UBR7: variants seen among roughly 807,000 people sequenced by gnomAD.
UBR7 encodes the protein ubiquitin protein ligase E3 component n-recognin 7.
In UBR7, 22 loss-of-function variants were observed where a neutral mutation model predicts 57.0. The observed-to-expected ratio is 0.39, with a 90% CI of 0.28 to 0.55. The LOEUF (loss-of-function observed/expected upper bound fraction) is 0.55, where lower values mean the gene tolerates loss of function less well. Among genes scored for constraint, UBR7 ranks in the 20% least tolerant of loss-of-function variants. The pLI, the probability that UBR7 is intolerant of heterozygous loss-of-function variation, is 0.69. For synonymous variants in UBR7, 167 were observed against 179.8 expected, an observed-to-expected ratio of 0.93 and a Z score of 0.57; for missense variants, 395 against 513.2, an observed-to-expected ratio of 0.77 and a Z score of 2.23.
At chr14:93,210,788 C>A in intron 3 of UBR7, 80 bp downstream of exon 3, 1 of 1,189,384 alleles carries the variant, frequency 8.4e-7, no homozygotes, top group Non-Finnish European at 1.2e-6. Context: ...AAACAAATAC[C>A]TGTATTTTCC....
At chr14:93,208,019 C>A (rs1894402947) in intron 1 of UBR7, among the ~76,000 whole-genome samples, 1 of 152,140 alleles carries the variant, frequency 6.6e-6, no homozygotes, top group Admixed American at 6.5e-5. Context: ...CTGCCCCCCT[C>A]CCCTGGAAAT....
intron 4 of UBR7, 48 bp downstream of exon 4, chr14:93,212,175 G>A (rs1441369346): frequency 3.5e-6 from 5 of 1,413,956 alleles, no homozygotes; most frequent in Non-Finnish European, 4.9e-6. Flanking sequence ...CTCTAGCCTT[G>A]ATTCCTCAAC....
chr14:93,207,571 C>T (rs1595263136), intron 1 of UBR7, 130 bp downstream of exon 1: 1 of 1,270,022 alleles, frequency 7.9e-7, no homozygotes, highest in East Asian at 2.6e-5. Context: ...GTTAGTCTGC[C>T]GCTTCCTCAC....
chr14:93,219,833 G>T (rs1290277640), intron 8 of UBR7, among the ~76,000 whole-genome samples: 3 of 152,134 alleles, frequency 2.0e-5, no homozygotes, highest in African/African-American at 7.2e-5. Flanking sequence ...AAATTAGCTG[G>T]GTGTGGTGGC....
At chr14:93,222,616 G>A (rs59135548) in intron 10 of UBR7, among the ~76,000 whole-genome samples, 26 of 152,110 alleles carry the variant, frequency 1.7e-4, no homozygotes, top group African/African-American at 6.0e-4. Flanking sequence ...GGTGATGGGC[G>A]CCTGTAGTCC....
intron 3 of UBR7, among the ~76,000 whole-genome samples, chr14:93,211,688 A>G (rs1894488095): frequency 6.6e-6 from 1 of 152,172 alleles, no homozygotes; most frequent in Admixed American, 6.6e-5. Flanking sequence ...CCCCATCTCT[A>G]TCAAAAAGAA....
intron 10 of UBR7, 61 bp from the exon 11 acceptor site, chr14:93,226,882 G>T: frequency 2.7e-6 from 3 of 1,123,940 alleles, no homozygotes; most frequent in South Asian, 1.2e-5. Flanking sequence ...TGAATGCTAT[G>T]ACCTCGGATT....
At chr14:93,223,805 C>T (rs1314390353) in intron 10 of UBR7, 5 of 743,722 alleles carry the variant, frequency 6.7e-6, no homozygotes, top group South Asian at 2.8e-5. Flanking sequence ...ATAGACCTCT[C>T]GGTAGCACTG....
chr14:93,218,798 A>ACCTG, intron 7 of UBR7, 63 bp downstream of exon 7: 1 of 1,545,356 alleles, frequency 6.5e-7, no homozygotes, highest in South Asian at 1.2e-5. Context: ...GCTCATGCCC[A>ACCTG]TAATCCCAGC....
Position 93,228,368 on chromosome 14 carries a change from G to A in UBR7, c.*1333G>A, listed in dbSNP as rs1392844711. ...GGACCAAGGTCTTTCCTGACAGTCG[G>A]AGACACACCTTGATGTATGTTAATA... On this transcript the variant is annotated 3_prime_UTR_variant, in exon 11 of 11. Transcript: ENST00000013070. 2.2e-6 allele frequency: 1 copy of A among 454,620 alleles called. No individual in the cohort carries two copies. The highest frequency in any genetic ancestry group is 1.6e-5 in the South Asian group (1 of 64,468). The allele number at this position is 454,620 out of a possible 1,614,324, so 28.2% of individuals were successfully genotyped here.
At chr14:93,213,228 T>C (rs1894521528) in intron 4 of UBR7, among the ~76,000 whole-genome samples, 1 of 152,190 alleles carries the variant, frequency 6.6e-6, no homozygotes, top group African/African-American at 2.4e-5. Flanking sequence ...ATAGTGTTTT[T>C]TCCCCAACAC....
chr14:93,226,557 G>A (rs916748186), intron 10 of UBR7, among the ~76,000 whole-genome samples: 2 of 152,254 alleles, frequency 1.3e-5, no homozygotes, highest in Admixed American at 6.5e-5. Context: ...TTGGGAGGCC[G>A]AGGCAGGCGG....
intron 6 of UBR7, among the ~76,000 whole-genome samples, chr14:93,217,737 A>C (rs556374074): frequency 3.9e-5 from 6 of 152,224 alleles, no homozygotes; most frequent in Non-Finnish European, 7.3e-5. Flanking sequence ...TTTCTTTCTC[A>C]GTATTTCGGA....
At chr14:93,224,583 T>A (rs1263427) in intron 10 of UBR7, among the ~76,000 whole-genome samples, 141,358 of 151,858 alleles carry the variant, frequency 0.93, 66,268 homozygotes, top group South Asian at 0.99. Flanking sequence ...TTCACCGTGT[T>A]AGCCAGGATG....
At chr14:93,219,108 G>A (rs1308921244) in intron 7 of UBR7, 104 bp from the exon 8 acceptor site, 13 of 1,350,364 alleles carry the variant, frequency 9.6e-6, no homozygotes. Context: ...TATGGCTTTG[G>A]ATTTCAATTT....
intron 1 of UBR7, among the ~76,000 whole-genome samples, chr14:93,208,426 CT>C (rs1190767237): frequency 3.3e-5 from 5 of 150,700 alleles, no homozygotes; most frequent in Non-Finnish European, 5.9e-5. Context: ...ATTTTAAAAC[CT>C]TTGGTCACCA....
intron 7 of UBR7, 46 bp downstream of exon 7, chr14:93,218,781 C>T (rs765588065): frequency 1.6e-5 from 25 of 1,584,418 alleles, no homozygotes; most frequent in Non-Finnish European, 2.1e-5. Context: ...CTGGGCCAGG[C>T]GCGGTGGCTC....
Position 93,211,906 on chromosome 14 carries a change from G to C in UBR7, c.346-126G>C, listed in dbSNP as rs1393768281. The stretch of plus-strand genomic sequence containing the variant: ...TAGTGAGTTTTTTTTTTCCTACTTT[G>C]AAAATTAAAGATCAGCCTCTTGGGG... On this transcript the variant is annotated intron_variant, in intron 3 of 10. Coordinates refer to ENST00000013070, the MANE Select transcript of UBR7 (RefSeq NM_175748.4). 67 of 705,188 alleles carry C rather than the reference G, an allele frequency of 9.5e-5. No individual in the cohort carries two copies. In the East Asian group the frequency reaches 2.0e-3, roughly 21 times the overall value. 43.7% of individuals were successfully genotyped at this position (705,188 alleles called of 1,614,324 possible). A position where few individuals can be genotyped will look rare whatever the true frequency, so the allele number is the denominator to read the frequency against.
At position 93,207,272 on chromosome 14, in the gene UBR7, T is replaced by C. The variant is rs760042359; in HGVS notation, c.-20T>C. The stretch of plus-strand genomic sequence containing the variant: ...CCCGCCTCCGCCGGGGCCGAGCCGC[T>C]GTTCGGCTGACAGTTGAGGATGGCC... On this transcript the variant is annotated 5_prime_UTR_variant, in exon 1 of 11. Coordinates refer to ENST00000013070, the MANE Select transcript of UBR7 (RefSeq NM_175748.4). 13 of 1,551,156 alleles carry C rather than the reference T, an allele frequency of 8.4e-6. No individual in the cohort carries two copies. In the Admixed American group the frequency reaches 2.0e-4, roughly 23 times the overall value.
Sources: gnomAD v4.1 joint callset for allele counts (sites outside exome capture counted in the v4.1 genomes callset) on GRCh38, gnomAD v4.1.1 for gene constraint, MANE v1.5 for transcripts, NCBI Gene and HGNC (gene_info 2026-07-23, HGNC 2026-07-21) for gene names.